VDAC2: variants seen among roughly 807,000 people sequenced by gnomAD.
VDAC2 encodes non-selective voltage-gated ion channel VDAC2.
VDAC2 carries 6 observed loss-of-function variants against 36.6 expected under a neutral mutation model. That is an observed-to-expected ratio of 0.16 (90% CI 0.09 to 0.32). The LOEUF (loss-of-function observed/expected upper bound fraction) is 0.32, where lower values mean the gene tolerates loss of function less well. VDAC2 is among the 10% of genes least tolerant of loss of function. The probability of loss-of-function intolerance (pLI) is 1.00; values close to 1 mark genes in which losing one functional copy is unlikely to be tolerated. For synonymous variants in VDAC2, 109 were observed against 123.8 expected (o/e 0.88, Z 0.79); for missense variants, 247 against 346.0 (o/e 0.71, Z 2.27).
intron 5 of VDAC2, 35 bp downstream of exon 5, chr10:75,219,250 A>G: frequency 6.4e-7 from 1 of 1,554,258 alleles, no homozygotes; most frequent in Non-Finnish European, 8.7e-7. Flanking sequence ...TAATTTTATT[A>G]ATTTATTTTT....
At chr10:75,216,413 G>A (rs1479251420) in intron 4 of VDAC2, among the ~76,000 whole-genome samples, 2 of 152,170 alleles carry the variant, frequency 1.3e-5, no homozygotes, top group Non-Finnish European at 2.9e-5. Context: ...AGGTTTAAGA[G>A]CATGAAGGAT....
chr10:75,213,526 C>A (rs888867827), intron 3 of VDAC2, among the ~76,000 whole-genome samples: 2 of 152,064 alleles, frequency 1.3e-5, no homozygotes, highest in Non-Finnish European at 2.9e-5. Flanking sequence ...GGGCAGATCA[C>A]GAGGTCAGGA....
At chr10:75,224,365 A>G (rs980493485) in intron 8 of VDAC2, among the ~76,000 whole-genome samples, 5 of 152,158 alleles carry the variant, frequency 3.3e-5, no homozygotes, top group South Asian at 2.1e-4. Context: ...TATCCTCAGA[A>G]TTGATGTCAG....
At chr10:75,214,177 G>C in intron 4 of VDAC2, 107 bp downstream of exon 4, 2 of 1,192,262 alleles carry the variant, frequency 1.7e-6, no homozygotes, top group East Asian at 5.0e-5. Flanking sequence ...AGAAGAGGCA[G>C]AAGTTAACTT....
At position 75,220,939 on chromosome 10, in the gene VDAC2, A is replaced by G. The variant is rs1279538878; in HGVS notation, c.553A>G (p.Arg185Gly). 6.2e-7 allele frequency: 1 copy of G among 1,613,208 alleles called. No homozygotes were observed. The highest frequency in any genetic ancestry group is 8.5e-7 in the Non-Finnish European group (1 of 1,179,416). Residue 185 changes from arginine to glycine, a missense_variant, in exon 7 of 10, where the codon AGG becomes GGG. By Grantham distance (125) the Arg-to-Gly change is moderately radical. Coordinates refer to ENST00000332211, the MANE Select transcript of VDAC2 (RefSeq NM_001391963.1). ...AAGGAATAACTTTGCAGTGGGCTAC[A>G]GGACTGGGGACTTCCAGCTACACAC... ...LTRNNFAVGY[R>G]TGDFQLHTNV...
chr10:75,219,776 C>CGGG (rs1841746821), intron 6 of VDAC2, among the ~76,000 whole-genome samples: 1 of 149,548 alleles, frequency 6.7e-6, no homozygotes, highest in African/African-American at 2.5e-5. Context: ...TGAGCCACCA[C>CGGG]GCCCAGCCTT....
At chr10:75,212,122 C>T (rs1178481372) in intron 2 of VDAC2, 108 bp from the exon 3 acceptor site, 10 of 993,004 alleles carry the variant, frequency 1.0e-5, no homozygotes, top group Non-Finnish European at 1.5e-5. Context: ...AACATTCCAA[C>T]AAATGGGATT....
At chr10:75,210,278 C>T (rs1017581525), upstream of VDAC2, 1 of 152,570 alleles carries the variant, frequency 6.6e-6, no homozygotes, top group East Asian at 1.9e-4. Context: ...ACTCGTTCTC[C>T]CTGGGCTGGG....
At chr10:75,213,168 T>G (rs1440608533) in intron 3 of VDAC2, among the ~76,000 whole-genome samples, 1 of 152,130 alleles carries the variant, frequency 6.6e-6, no homozygotes, top group African/African-American at 2.4e-5. Flanking sequence ...AGCCTCTGCC[T>G]CCTGGGTTCC....
intron 2 of VDAC2, chr10:75,211,651 G>A (rs1403666392): frequency 5.8e-6 from 9 of 1,550,574 alleles, no homozygotes; most frequent in South Asian, 3.6e-5. Context: ...GGACTTGAGA[G>A]TCACATTAGT....
At chr10:75,226,288 A>G (rs1003713676) in intron 8 of VDAC2, among the ~76,000 whole-genome samples, 2 of 151,920 alleles carry the variant, frequency 1.3e-5, no homozygotes, top group Admixed American at 1.3e-4. Flanking sequence ...TATGGTGTAT[A>G]TATTTTGGTT....
At chr10:75,213,875 A>AT in intron 3 of VDAC2, 146 bp from the exon 4 acceptor site, 1 of 721,342 alleles carries the variant, frequency 1.4e-6, no homozygotes. Flanking sequence ...ATTTGTAACA[A>AT]TTTCATTTAA....
intron 4 of VDAC2, chr10:75,218,066 T>A: frequency 1.9e-6 from 1 of 532,382 alleles, no homozygotes; most frequent in Non-Finnish European, 3.0e-6. Context: ...CCAGCTTGGG[T>A]GACAGAGGCA....
At position 75,229,660 on chromosome 10, in the gene VDAC2, C is replaced by A; in HGVS notation, c.752C>A (p.Ser251Tyr). ...TTATTTTAGGCAAAAGTCAACAACT[C>A]TAGCTTAATTGGAGTAGGCTATACT... The part of the protein sequence containing the change: ...TASISAKVNN[S>Y]SLIGVGYTQT... Residue 251 changes from serine (S) to tyrosine (Y), a missense_variant, in exon 9 of 10, where the codon TCT becomes TAT. Around this residue, in one of 3 missense-constraint regions of VDAC2, gnomAD observed 159 missense variants for 234.0 expected, o/e 0.68. Coordinates refer to ENST00000332211, the MANE Select transcript of VDAC2 (RefSeq NM_001391963.1). The A allele has an allele frequency of 6.2e-7, 1 of 1,605,960 alleles. No individual in the cohort carries two copies. The highest frequency in any genetic ancestry group is 8.5e-7 in the Non-Finnish European group (1 of 1,177,540).
chr10:75,217,219 T>C (rs1841632993), intron 4 of VDAC2, among the ~76,000 whole-genome samples: 1 of 152,200 alleles, frequency 6.6e-6, no homozygotes, highest in Non-Finnish European at 1.5e-5. Context: ...ACTGTGGCAC[T>C]GTACTCCAAC....
Position 75,220,906 on chromosome 10 carries a change from A to G in VDAC2, c.520A>G (p.Lys174Glu), listed in dbSNP as rs900316416. The G allele has an allele frequency of 2.4e-5, 39 of 1,613,808 alleles. No homozygotes were observed. Among genetic ancestry groups the G allele is most frequent in the Non-Finnish European group, 3.1e-5 (37 of 1,179,800 alleles). ...GATGACCTTTGACAGTGCCAAATCAAAGCTGACAAGGAATAACTTTGCAGT... is the reference window on the plus strand; with the variant it reads ...GATGACCTTTGACAGTGCCAAATCAGAGCTGACAAGGAATAACTTTGCAGT... ...YQMTFDSAKSKLTRNNFAVGY... is the reference protein window; with the variant it reads ...YQMTFDSAKSELTRNNFAVGY... The change falls in exon 7 of 10, where the codon AAG becomes GAG. Residue 174 changes from lysine (K) to glutamate (E), a missense_variant. Around this residue, in one of 3 missense-constraint regions of VDAC2, gnomAD observed 159 missense variants for 234.0 expected, o/e 0.68. Transcript: ENST00000332211.
intron 3 of VDAC2, among the ~76,000 whole-genome samples, chr10:75,213,713 C>T (rs1841503545): frequency 1.3e-5 from 2 of 152,070 alleles, no homozygotes; most frequent in Admixed American, 1.3e-4. Context: ...CACTGCACTC[C>T]AGCCTGGGCA....
At chr10:75,227,045 G>A (rs963939556) in intron 8 of VDAC2, among the ~76,000 whole-genome samples, 1 of 152,222 alleles carries the variant, frequency 6.6e-6, no homozygotes, top group Non-Finnish European at 1.5e-5. Flanking sequence ...ATACATTCAT[G>A]TCATGGGAGG....
intron 8 of VDAC2, among the ~76,000 whole-genome samples, chr10:75,228,332 C>T (rs1842017972): frequency 6.6e-6 from 1 of 151,286 alleles, no homozygotes; most frequent in African/African-American, 2.4e-5. Context: ...AATCACAGCT[C>T]ACTGTGCCCT....
Sources: allele counts gnomAD v4.1 joint callset (sites outside exome capture counted in the v4.1 genomes callset), GRCh38; gene constraint gnomAD v4.1.1; regional missense constraint gnomAD v4.1.1; transcripts MANE v1.5; gene names NCBI Gene and HGNC (gene_info 2026-07-23, HGNC 2026-07-21).